The following ZNF717 variants were observed in gnomAD, a reference collection of about 807,000 sequenced individuals.
ZNF717 encodes the protein zinc finger protein 717.
ZNF717 carries 9 observed loss-of-function variants against 13.8 expected under a neutral mutation model. The observed-to-expected ratio is 0.65, with a 90% CI of 0.39 to 1.14. ZNF717 has a LOEUF of 1.14. ZNF717 is among the 50% of genes most tolerant of loss of function. The probability of loss-of-function intolerance (pLI) is 0.01; values close to 1 mark genes in which losing one functional copy is unlikely to be tolerated. For missense variants in ZNF717, 1,040 were observed against 1,080.7 expected (o/e 0.96, Z 0.53); for synonymous variants, 327 against 364.1 (o/e 0.90, Z 1.16).
chr3:75,726,147 C>G (rs1348483148), downstream of ZNF717, among the ~76,000 whole-genome samples: 1 of 152,190 alleles, frequency 6.6e-6, no homozygotes, highest in Admixed American at 6.5e-5. Context: ...TAAGTTTTGA[C>G]CGTGTGCTCT....
rs112463066 is a variant in ZNF717, at chr3:75,723,105, C to T, written n.545-6564G>A. 9.7e-3 allele frequency among the ~76,000 whole-genome samples: 1,470 copies of T among 152,144 alleles called. 28 individuals are homozygous for T. The highest frequency in any genetic ancestry group is 0.034 in the African/African-American group (1,424 of 41,516). Reference sequence around the variant, plus strand: ...AATATTTTGAAATTCAGTAATATTGCCCTTGATCTCCTCAGAAAAACCCGT... The same window carrying T: ...AATATTTTGAAATTCAGTAATATTGTCCTTGATCTCCTCAGAAAAACCCGT... On this transcript the variant is annotated intron_variant and non_coding_transcript_variant, in intron 4 of 5. Coordinates refer to the ZNF717 transcript ENST00000491507.
At position 75,741,632 on chromosome 3, in the gene ZNF717, G is replaced by C; in HGVS notation, c.162C>G (p.Thr54=). 6.4e-7 allele frequency: 1 copy of C among 1,566,976 alleles called. No individual in the cohort carries two copies. The highest frequency in any genetic ancestry group is 8.7e-7 in the Non-Finnish European group (1 of 1,154,464). ...RTLYRDVMLE[T]YSSLVSLGHY... is the part of the protein sequence containing the mutation. Reference sequence around the variant, plus strand: ...CACCCAATGATACCAGGCTGCTGTAGGTCTCCAGCATCACGTCCCTGTACA... The same window carrying C: ...CACCCAATGATACCAGGCTGCTGTACGTCTCCAGCATCACGTCCCTGTACA... Residue 54 remains threonine (T), a synonymous_variant, in exon 3 of 5, where the codon ACC becomes ACG. Transcript: ENST00000652011.
At chr3:75,703,921 C>T (rs1402437928) in intron 6 of ZNF717, among the ~76,000 whole-genome samples, 27 of 151,816 alleles carry the variant, frequency 1.8e-4, no homozygotes, top group African/African-American at 6.1e-4. Context: ...TTTTAGCTGG[C>T]CACAAATTAC....
At chr3:75,729,237 A>T (rs1490507655), downstream of ZNF717, among the ~76,000 whole-genome samples, 412 of 152,228 alleles carry the variant, frequency 2.7e-3, 16 homozygotes, top group East Asian at 0.07. Flanking sequence ...CATAGCATAG[A>T]CAAAGAGGGA....
chr3:75,729,385 G>A (rs1938380644), downstream of ZNF717, among the ~76,000 whole-genome samples: 2 of 152,246 alleles, frequency 1.3e-5, no homozygotes, highest in Non-Finnish European at 1.5e-5. Flanking sequence ...AGAGGCTGAG[G>A]TGGGTGGATC....
At chr3:75,714,135 ATGGTCAGG>A (rs1210801761) in intron 5 of ZNF717, among the ~76,000 whole-genome samples, 3 of 152,030 alleles carry the variant, frequency 2.0e-5, no homozygotes, top group Admixed American at 2.0e-4. Flanking sequence ...TCACAGGGAG[ATGGTCAGG>A]CCTCCGGATA....
At chr3:75,730,981 C>T (rs1246818326), downstream of ZNF717, among the ~76,000 whole-genome samples, 1 of 152,222 alleles carries the variant, frequency 6.6e-6, no homozygotes, top group Non-Finnish European at 1.5e-5. Context: ...TGGCTCATGC[C>T]TGTAATCCCA....
chr3:75,727,929 C>A (rs1312067006), downstream of ZNF717, among the ~76,000 whole-genome samples: 2 of 152,228 alleles, frequency 1.3e-5, no homozygotes, highest in East Asian at 1.9e-4. Flanking sequence ...TGTAAAATTT[C>A]TTTGTACTCT....
chr3:75,700,077 T>C (rs1937656025), intron 6 of ZNF717, among the ~76,000 whole-genome samples: 1 of 152,310 alleles, frequency 6.6e-6, no homozygotes. Flanking sequence ...TCCAAAGCAA[T>C]CTATACATTT....
intron 2 of ZNF717, among the ~76,000 whole-genome samples, chr3:75,774,714 G>A (rs548247807): frequency 4.6e-4 from 51 of 110,026 alleles, no homozygotes; most frequent in Admixed American, 1.1e-3. Context: ...TCCGCCTCCC[G>A]GGTTCACACC....
At chr3:75,718,853 C>T (rs1375504304) in intron 4 of ZNF717, among the ~76,000 whole-genome samples, 7 of 152,150 alleles carry the variant, frequency 4.6e-5, no homozygotes, top group Non-Finnish European at 8.8e-5. Context: ...TCAGAGGCCA[C>T]GGGCAATACC....
intron 6 of ZNF717, among the ~76,000 whole-genome samples, chr3:75,701,784 TA>T (rs1937702412): frequency 6.6e-6 from 1 of 151,738 alleles, no homozygotes; most frequent in Non-Finnish European, 1.5e-5. Flanking sequence ...AAAACTTATA[TA>T]GAAAATATAT....
chr3:75,734,428 TTTTG>T (rs1938900938), downstream of ZNF717, among the ~76,000 whole-genome samples: 1 of 52,416 alleles, frequency 1.9e-5, no homozygotes, highest in Non-Finnish European at 3.8e-5. Context: ...AATGGGTTTT[TTTTG>T]TTTTTTTGTT....
At chr3:75,755,710 TA>T (rs990848917) in intron 2 of ZNF717, among the ~76,000 whole-genome samples, 1 of 149,348 alleles carries the variant, frequency 6.7e-6, no homozygotes, top group African/African-American at 2.5e-5. Flanking sequence ...GGCAACTAGT[TA>T]AAAAAAGTTT....
chr3:75,727,743 A>C (rs1226967163), downstream of ZNF717, among the ~76,000 whole-genome samples: 28 of 152,162 alleles, frequency 1.8e-4, no homozygotes, highest in Admixed American at 1.8e-3. Context: ...CAGTGGTTCT[A>C]ATTTTGCCTT....
intron 2 of ZNF717, among the ~76,000 whole-genome samples, chr3:75,755,621 G>GTCAAA (rs1420374765): frequency 6.6e-6 from 1 of 152,304 alleles, no homozygotes; most frequent in East Asian, 1.9e-4. Context: ...TAAGCAGGTA[G>GTCAAA]TCTTATTTGT....
chr3:75,781,518 A>T (rs116448213), intron 2 of ZNF717, among the ~76,000 whole-genome samples: 2,301 of 152,282 alleles, frequency 0.015, 28 homozygotes, highest in Non-Finnish European at 0.024. Context: ...ACATTTTGTA[A>T]TACCCAAAGT....
exon 6 of ZNF717, chr3:75,730,351 G>GT: frequency 3.0e-6 from 1 of 338,748 alleles, no homozygotes; most frequent in Non-Finnish European, 5.0e-6. Context: ...GGAAGCAATA[G>GT]TTAAAAAAAA....
intron 2 of ZNF717, among the ~76,000 whole-genome samples, chr3:75,765,029 A>ATGTGTGTG (rs1553680491): frequency 8.0e-5 from 5 of 62,138 alleles, no homozygotes; most frequent in East Asian, 3.9e-4. Context: ...ATATATATAT[A>ATGTGTGTG]TGTATATGTG....
Sources: allele counts gnomAD v4.1 joint callset (sites outside exome capture counted in the v4.1 genomes callset), GRCh38; gene constraint gnomAD v4.1.1; transcripts MANE v1.5; gene names NCBI Gene and HGNC (gene_info 2026-07-23, HGNC 2026-07-21).